The following SULF2 variants were observed in gnomAD, a reference collection of about 807,000 sequenced individuals.
SULF2 encodes the protein extracellular sulfatase Sulf-2.
In SULF2, 52 loss-of-function variants were observed where a neutral mutation model predicts 107.7. That is an observed-to-expected ratio of 0.48 (90% confidence interval 0.39 to 0.61). The LOEUF is 0.61. SULF2 is among the 20% of genes least tolerant of loss of function. The probability of loss-of-function intolerance (pLI) is 0.00; values close to 1 mark genes in which losing one functional copy is unlikely to be tolerated. For synonymous variants in SULF2, 460 were observed against 464.3 expected, an observed-to-expected ratio of 0.99 and a Z score of 0.12; for missense variants, 993 against 1,177.3, an observed-to-expected ratio of 0.84 and a Z score of 2.29.
intron 1 of SULF2, among the ~76,000 whole-genome samples, chr20:47,777,591 A>G (rs1305450881): frequency 6.6e-6 from 1 of 152,218 alleles, no homozygotes; most frequent in Non-Finnish European, 1.5e-5. Context: ...TCTATTGCAT[A>G]AGCCACTGTC....
intron 10 of SULF2, 143 bp downstream of exon 10, chr20:47,676,351 G>T: frequency 2.3e-6 from 2 of 865,814 alleles, no homozygotes; most frequent in Non-Finnish European, 3.5e-6. Context: ...CCACCAAACA[G>T]CATCTTGGGC....
intron 1 of SULF2, 115 bp from the exon 2 acceptor site, chr20:47,757,578 G>T: frequency 1.8e-6 from 1 of 560,890 alleles, no homozygotes; most frequent in Non-Finnish European, 3.1e-6. Context: ...TTTGAACAGG[G>T]GTGGCTATGG....
At position 47,663,108 on chromosome 20, in the gene SULF2, A is replaced by C; in HGVS notation, c.2332T>G (p.Phe778Val). ...GTGTTGAGATCAAAGTACTCTAGGA[A>C]GCCAGTTGCAAATTCACAGAAGAGG... ...NFLFCEFATGFLEYFDLNTDP... is the reference protein window; with the variant it reads ...NFLFCEFATGVLEYFDLNTDP... The change falls in exon 17 of 21, where the codon TTC becomes GTC. Residue 778 changes from phenylalanine to valine, a missense_variant. Around this residue, in one of 3 missense-constraint regions of SULF2, gnomAD observed 497 missense variants for 544.1 expected, o/e 0.91. Coordinates refer to ENST00000688720, the MANE Select transcript of SULF2 (RefSeq NM_001387048.1). The C allele has an allele frequency of 6.2e-7, 1 of 1,614,150 alleles. No homozygotes were observed. Among genetic ancestry groups the C allele is most frequent in the Non-Finnish European group, 8.5e-7 (1 of 1,180,032 alleles).
rs1449536752 is a variant in SULF2 at position 47,695,106 on chromosome 20, T to C, written c.568-4811A>G. Among the ~76,000 whole-genome samples, 9 of 152,236 alleles carry C rather than the reference T, an allele frequency of 5.9e-5. 1 individual carries two copies. Among genetic ancestry groups the C allele is most frequent in the Non-Finnish European group, 1.3e-4 (9 of 68,040 alleles). On this transcript the variant is annotated intron_variant, in intron 4 of 20. Transcript: ENST00000688720. ...GTAAAGGGCCAGACAGTAAATATTT[T>C]AGACTCTGCAGGCCCCCTGTCTCTG...
Position 47,665,303 on chromosome 20 carries a change from G to A in SULF2, c.1903-10C>T, listed in dbSNP as rs376750969. 3.2e-6 allele frequency: 5 copies of A among 1,574,756 alleles called. No individual in the cohort carries two copies. The highest frequency in any genetic ancestry group is 4.4e-6 in the Non-Finnish European group (5 of 1,144,348). The stretch of plus-strand genomic sequence containing the variant: ...TCTGCAGGGTTTCAATCTGAGGGAG[G>A]GGCAGAAGAGGAGGCCTTGAAACCT... On this transcript the variant is annotated splice_polypyrimidine_tract_variant and intron_variant, in intron 13 of 20. Coordinates refer to ENST00000688720, the MANE Select transcript of SULF2 (RefSeq NM_001387048.1).
chr20:47,695,894 T>C (rs2088359952), intron 4 of SULF2, among the ~76,000 whole-genome samples: 1 of 152,268 alleles, frequency 6.6e-6, no homozygotes, highest in Admixed American at 6.5e-5. Context: ...ATTACAGGCA[T>C]GAACCACTGC....
chr20:47,690,527 G>A (rs1453482292), intron 4 of SULF2, among the ~76,000 whole-genome samples: 1 of 152,196 alleles, frequency 6.6e-6, no homozygotes. Context: ...ACATAAAGCA[G>A]AGAAGTGGAT....
chr20:47,771,949 G>T (rs577575197), intron 1 of SULF2, among the ~76,000 whole-genome samples: 1 of 152,354 alleles, frequency 6.6e-6, no homozygotes, highest in Admixed American at 6.5e-5. Flanking sequence ...CAAGATGGCA[G>T]CTTCCAGGGC....
chr20:47,675,293 G>A (rs977622328), intron 10 of SULF2, among the ~76,000 whole-genome samples: 3 of 152,174 alleles, frequency 2.0e-5, no homozygotes, highest in Non-Finnish European at 4.4e-5. Flanking sequence ...GGGAGGGCAG[G>A]AGCTTCTGTT....
intron 3 of SULF2, among the ~76,000 whole-genome samples, chr20:47,730,026 G>A (rs1270222396): frequency 2.1e-5 from 3 of 145,888 alleles, no homozygotes; most frequent in South Asian, 2.2e-4. Flanking sequence ...AGTGTAGATG[G>A]GGTGGGGTCA....
chr20:47,746,061 G>C (rs1375153939), intron 2 of SULF2, among the ~76,000 whole-genome samples: 1 of 152,248 alleles, frequency 6.6e-6, no homozygotes, highest in Non-Finnish European at 1.5e-5. Flanking sequence ...GGCTGGACCT[G>C]AGTAGCGAAG....
intron 2 of SULF2, among the ~76,000 whole-genome samples, chr20:47,746,276 GAAGA>G (rs1482293467): frequency 3.9e-5 from 6 of 152,256 alleles, no homozygotes. Context: ...ATTCAGTGGG[GAAGA>G]GAGGCTGTGG....
intron 1 of SULF2, among the ~76,000 whole-genome samples, chr20:47,766,433 G>C (rs547690097): frequency 6.6e-6 from 1 of 152,366 alleles, no homozygotes; most frequent in South Asian, 2.1e-4. Context: ...GGGTCATTCA[G>C]AGGGAGGAGG....
chr20:47,764,365 C>T (rs1330168780), intron 1 of SULF2, among the ~76,000 whole-genome samples: 1 of 152,222 alleles, frequency 6.6e-6, no homozygotes, highest in Non-Finnish European at 1.5e-5. Context: ...AAAATATTTA[C>T]TGGCTTAACA....
chr20:47,696,986 TAGAC>T (rs1217403097), intron 4 of SULF2, among the ~76,000 whole-genome samples: 23 of 152,180 alleles, frequency 1.5e-4, no homozygotes, highest in Admixed American at 9.2e-4. Context: ...CTTCTCCAGA[TAGAC>T]AGAGAAGTGT....
intron 1 of SULF2, among the ~76,000 whole-genome samples, chr20:47,760,933 G>A (rs1322665595): frequency 6.6e-6 from 1 of 152,208 alleles, no homozygotes; most frequent in Non-Finnish European, 1.5e-5. Flanking sequence ...GTGGTGTGAT[G>A]GTTAAGGATG....
intron 11 of SULF2, among the ~76,000 whole-genome samples, chr20:47,670,746 G>C (rs955360563): frequency 1.3e-5 from 2 of 150,660 alleles, no homozygotes; most frequent in African/African-American, 4.9e-5. Context: ...AGATAACGTT[G>C]AATGGGGACA....
intron 11 of SULF2, among the ~76,000 whole-genome samples, chr20:47,667,548 C>G (rs560037930): frequency 6.6e-6 from 1 of 152,126 alleles, no homozygotes; most frequent in East Asian, 1.9e-4. Context: ...GCCCACAGTT[C>G]CATATGGTCA....
At chr20:47,764,341 C>CATTGA (rs10685985) in intron 1 of SULF2, among the ~76,000 whole-genome samples, 7,897 of 152,274 alleles carry the variant, frequency 0.052, 261 homozygotes, top group African/African-American at 0.089. Context: ...ATGCTTGCGG[C>CATTGA]ATAGCAGGCA....
Sources: gnomAD v4.1 joint callset for allele counts (sites outside exome capture counted in the v4.1 genomes callset) on GRCh38, gnomAD v4.1.1 for gene constraint, gnomAD v4.1.1 regional missense constraint, MANE v1.5 for transcripts, NCBI Gene and HGNC (gene_info 2026-07-23, HGNC 2026-07-21) for gene names.